NEGR1: variants seen among roughly 807,000 people sequenced by gnomAD.
NEGR1 encodes IgLON family member 4.
NEGR1 carries 10 observed loss-of-function variants against 40.9 expected under a neutral mutation model. The observed-to-expected ratio is 0.24, with a 90% CI of 0.15 to 0.42. The LOEUF is 0.42. NEGR1 is among the 10% of genes least tolerant of loss of function. The pLI, the probability that NEGR1 is intolerant of heterozygous loss-of-function variation, is 1.00. For missense variants in NEGR1, 352 were observed against 438.9 expected (o/e 0.80, Z 1.77); for synonymous variants, 185 against 166.8 (o/e 1.11, Z -0.84).
At chr1:71,489,763 C>A (rs893134661) in intron 6 of NEGR1, 1 of 151,576 alleles carries the variant, frequency 6.6e-6, no homozygotes, top group Non-Finnish European at 1.5e-5. Context: ...TGGAGTATAT[C>A]CTGGAAGTTT....
At chr1:71,783,970 A>G (rs72948012) in intron 2 of NEGR1, among the ~76,000 whole-genome samples, 174 of 152,262 alleles carry the variant, frequency 1.1e-3, no homozygotes, top group African/African-American at 4.0e-3. Flanking sequence ...ATCACAATGC[A>G]GAGTCACTAA....
At chr1:71,818,506 G>T (rs1383019514) in intron 2 of NEGR1, among the ~76,000 whole-genome samples, 1 of 151,886 alleles carries the variant, frequency 6.6e-6, no homozygotes, top group Non-Finnish European at 1.5e-5. Context: ...AGAAAGAGGG[G>T]AACAACAGAC....
chr1:71,580,364 G>A lies in NEGR1; in HGVS notation c.940+12453C>T, dbSNP rs542443674. Among the ~76,000 whole-genome samples, 651 of 151,596 alleles carry A rather than the reference G, an allele frequency of 4.3e-3. 5 individuals carry two copies. Among genetic ancestry groups the A allele is most frequent in the African/African-American group, 0.014 (578 of 41,312 alleles). ...GGAGATATACCTAATGCTAGATGAC[G>A]AGTTAGTGGGTGCAGCGCACCAGCA... On this transcript the variant is annotated intron_variant, in intron 6 of 6. Coordinates refer to ENST00000357731, the MANE Select transcript of NEGR1 (RefSeq NM_173808.3).
intron 1 of NEGR1, among the ~76,000 whole-genome samples, chr1:72,281,325 A>G (rs1161973705): frequency 3.9e-5 from 6 of 152,182 alleles, no homozygotes; most frequent in Admixed American, 6.5e-5. Flanking sequence ...AGAGAAGGAG[A>G]GTATGCCTTT....
intron 6 of NEGR1, among the ~76,000 whole-genome samples, chr1:71,538,672 G>A (rs563007485): frequency 6.6e-6 from 1 of 151,836 alleles, no homozygotes; most frequent in South Asian, 2.1e-4. Context: ...GGCCCATAAA[G>A]TATATGCCAA....
chr1:71,805,923 T>C (rs574889041), intron 2 of NEGR1, among the ~76,000 whole-genome samples: 17 of 152,286 alleles, frequency 1.1e-4, no homozygotes, highest in Non-Finnish European at 2.1e-4. Flanking sequence ...TGATTGAAAA[T>C]AATCTCAATA....
At chr1:72,077,244 C>T (rs897821328) in intron 1 of NEGR1, among the ~76,000 whole-genome samples, 1 of 151,756 alleles carries the variant, frequency 6.6e-6, no homozygotes, top group Non-Finnish European at 1.5e-5. Flanking sequence ...TGTATGCAAC[C>T]GGAGCACTCA....
intron 6 of NEGR1, among the ~76,000 whole-genome samples, chr1:71,411,217 T>A (rs1286638641): frequency 6.6e-6 from 1 of 152,188 alleles, no homozygotes; most frequent in African/African-American, 2.4e-5. Context: ...CTTTTCCTTT[T>A]GTATTTTGCT....
At chr1:71,928,559 T>C (rs1340581424) in intron 2 of NEGR1, among the ~76,000 whole-genome samples, 1 of 147,830 alleles carries the variant, frequency 6.8e-6, no homozygotes, top group Non-Finnish European at 1.5e-5. Flanking sequence ...CATATGTGTA[T>C]ATATATACCT....
At chr1:71,425,644 C>T (rs1176276475) in intron 6 of NEGR1, among the ~76,000 whole-genome samples, 3 of 152,104 alleles carry the variant, frequency 2.0e-5, no homozygotes, top group Non-Finnish European at 4.4e-5. Context: ...GTGCACCCCT[C>T]CACACACTTT....
intron 3 of NEGR1, among the ~76,000 whole-genome samples, chr1:71,762,758 C>T (rs1230027943): frequency 2.0e-5 from 3 of 152,004 alleles, no homozygotes; most frequent in African/African-American, 7.2e-5. Flanking sequence ...ACTCAAAGGA[C>T]ATTCTATAAA....
chr1:72,024,704 T>C (rs560222430), intron 1 of NEGR1, among the ~76,000 whole-genome samples: 28 of 152,326 alleles, frequency 1.8e-4, no homozygotes, highest in Non-Finnish European at 3.2e-4. Context: ...CACAGCCACG[T>C]AATACTTAAT....
intron 4 of NEGR1, among the ~76,000 whole-genome samples, chr1:71,644,738 A>G (rs1651476151): frequency 6.6e-6 from 1 of 151,972 alleles, no homozygotes; most frequent in African/African-American, 2.4e-5. Context: ...CATAACAGCA[A>G]GCCTGGAACA....
At chr1:72,200,287 C>A (rs1441674547) in intron 1 of NEGR1, among the ~76,000 whole-genome samples, 3 of 151,876 alleles carry the variant, frequency 2.0e-5, no homozygotes, top group Non-Finnish European at 4.4e-5. Context: ...CAGCAGTGGG[C>A]TCGATAAAGA....
intron 2 of NEGR1, among the ~76,000 whole-genome samples, chr1:71,885,495 C>T (rs1163370349): frequency 6.6e-6 from 1 of 152,052 alleles, no homozygotes; most frequent in Non-Finnish European, 1.5e-5. Flanking sequence ...AAAATTCGCA[C>T]GTTAGCTGTT....
At chr1:71,653,964 T>C (rs1469054117) in intron 4 of NEGR1, among the ~76,000 whole-genome samples, 3 of 152,114 alleles carry the variant, frequency 2.0e-5, no homozygotes, top group African/African-American at 7.2e-5. Flanking sequence ...CTCTCTTTGT[T>C]ATGAGGAAAC....
At chr1:72,160,413 GCAACTATTAGAATTA>G (rs1296098898) in intron 1 of NEGR1, among the ~76,000 whole-genome samples, 1 of 151,986 alleles carries the variant, frequency 6.6e-6, no homozygotes, top group Non-Finnish European at 1.5e-5. Flanking sequence ...AATACAATAT[GCAACTATTAGAATTA>G]CAACTTTAAA....
intron 1 of NEGR1, among the ~76,000 whole-genome samples, chr1:71,987,923 T>C (rs1024241426): frequency 4.0e-5 from 6 of 151,710 alleles, no homozygotes; most frequent in Non-Finnish European, 8.9e-5. Flanking sequence ...AGCCCTTCAT[T>C]CAAAAAGGAT....
rs115951823 is a variant in NEGR1 at position 71,824,037 on chromosome 1, T to C, written c.410-47740A>G. The stretch of plus-strand genomic sequence containing the variant: ...AATGAAATGCAGTCTATTCATTACA[T>C]TTACCAGTGTGGGAGGAACTCCTTA... On this transcript the variant is annotated intron_variant, in intron 2 of 6. Coordinates refer to ENST00000357731, the MANE Select transcript of NEGR1 (RefSeq NM_173808.3). Among the ~76,000 whole-genome samples the C allele has an allele frequency of 5.3e-3, 805 of 152,100 alleles. 6 individuals carry two copies. The highest frequency in any genetic ancestry group is 0.019 in the African/African-American group (773 of 41,536).
Sources: allele counts gnomAD v4.1 joint callset (sites outside exome capture counted in the v4.1 genomes callset), GRCh38; gene constraint gnomAD v4.1.1; transcripts MANE v1.5; gene names NCBI Gene and HGNC (gene_info 2026-07-23, HGNC 2026-07-21).